The following MAP4K5 variants were observed in gnomAD, a reference collection of about 807,000 sequenced individuals.
The protein encoded by MAP4K5 is MAPK/ERK kinase kinase kinase 5.
A neutral mutation model predicts 135.6 loss-of-function variants in MAP4K5; 82 were observed. That is an observed-to-expected ratio of 0.60 (90% CI 0.51 to 0.73). MAP4K5 has a LOEUF of 0.73. Ranked by LOEUF, MAP4K5 falls within the 30% of genes least tolerant of loss-of-function variation. MAP4K5 has a pLI of 0.00. For missense variants in MAP4K5, 907 were observed against 1,010.9 expected, an observed-to-expected ratio of 0.90 and a Z score of 1.39; for synonymous variants, 347 against 335.0, an observed-to-expected ratio of 1.04 and a Z score of -0.39.
intron 1 of MAP4K5, among the ~76,000 whole-genome samples, chr14:50,555,805 T>C (rs1378926616): frequency 1.3e-5 from 2 of 152,226 alleles, no homozygotes; most frequent in Non-Finnish European, 2.9e-5. Context: ...AAAGTAAATG[T>C]CATTTTTTGG....
chr14:50,531,925 C>T lies in MAP4K5; in HGVS notation c.108+17G>A, dbSNP rs372887607. The stretch of plus-strand genomic sequence containing the variant: ...CCCAGTCGACCGCAGGAAAAAAGCA[C>T]GGCCAGCCTCACTTACCTTATAGAC... On this transcript the variant is annotated intron_variant, in intron 2 of 32. Coordinates refer to ENST00000682126, the MANE Select transcript of MAP4K5 (RefSeq NM_006575.6). The T allele has an allele frequency of 4.8e-5, 75 of 1,551,274 alleles. No homozygotes were observed. The African/African-American group carries it at 9.3e-4, about 19-fold the overall frequency.
intron 2 of MAP4K5, among the ~76,000 whole-genome samples, chr14:50,519,994 G>T (rs2038114165): frequency 6.6e-6 from 1 of 152,216 alleles, no homozygotes; most frequent in South Asian, 2.1e-4. Context: ...TACATGAAGA[G>T]TTAATAAGGG....
chr14:50,441,797 CAT>C (rs946929784), intron 21 of MAP4K5, among the ~76,000 whole-genome samples: 22 of 132,572 alleles, frequency 1.7e-4, no homozygotes, highest in South Asian at 1.5e-3. Context: ...CACACACACA[CAT>C]ATATATACCC....
chr14:50,520,796 T>TA (rs1256020061), intron 2 of MAP4K5, among the ~76,000 whole-genome samples: 3 of 150,818 alleles, frequency 2.0e-5, no homozygotes, highest in Non-Finnish European at 4.4e-5. Flanking sequence ...ATTTGTATTG[T>TA]AAGGTGGCTA....
At chr14:50,526,690 A>C (rs192201347) in intron 2 of MAP4K5, among the ~76,000 whole-genome samples, 32 of 152,332 alleles carry the variant, frequency 2.1e-4, no homozygotes, top group Admixed American at 1.2e-3. Flanking sequence ...GTCAGCACTC[A>C]ACAAATACTT....
chr14:50,462,708 T>C lies in MAP4K5; in HGVS notation c.893A>G (p.Asp298Gly), dbSNP rs761138846. Reference protein sequence around the residue: ...VELLDKVNNPDNHAHYTEADD... With the variant: ...VELLDKVNNPGNHAHYTEADD... The stretch of plus-strand genomic sequence containing the variant: ...TGCTTCAGTGTAATGTGCGTGGTTA[T>C]CTGGATTGTTCACTTTGTCTAACAG... Residue 298 changes from aspartate (D) to glycine (G), a missense_variant, in exon 13 of 33, where the codon GAT becomes GGT. Around this residue, in one of 3 missense-constraint regions of MAP4K5, gnomAD observed 690 missense variants for 777.4 expected, o/e 0.89. Transcript: ENST00000682126. 8 of 1,605,064 alleles carry C rather than the reference T, an allele frequency of 5.0e-6. No homozygotes were observed. Among genetic ancestry groups the C allele is most frequent in the Non-Finnish European group, 8.5e-7 (1 of 1,177,600 alleles).
intron 1 of MAP4K5, among the ~76,000 whole-genome samples, chr14:50,555,008 A>G (rs2038747858): frequency 6.6e-6 from 1 of 152,174 alleles, no homozygotes. Flanking sequence ...AGACCCCAAA[A>G]TTTTTGTTAC....
intron 13 of MAP4K5, among the ~76,000 whole-genome samples, chr14:50,461,989 T>G (rs909208057): frequency 6.6e-6 from 1 of 152,030 alleles, no homozygotes; most frequent in Non-Finnish European, 1.5e-5. Context: ...CAGTTATGAA[T>G]AGCCCTACAA....
chr14:50,515,565 A>C (rs544783510), intron 2 of MAP4K5, among the ~76,000 whole-genome samples: 1 of 152,344 alleles, frequency 6.6e-6, no homozygotes, highest in South Asian at 2.1e-4. Flanking sequence ...CCAATTATCC[A>C]CTAATCCCAC....
At chr14:50,458,940 T>G (rs938194123) in intron 13 of MAP4K5, among the ~76,000 whole-genome samples, 2 of 152,068 alleles carry the variant, frequency 1.3e-5, no homozygotes, top group African/African-American at 4.8e-5. Context: ...TCCCAGGTAG[T>G]TGGGACTACA....
At chr14:50,498,233 T>C (rs1370696744) in intron 3 of MAP4K5, among the ~76,000 whole-genome samples, 3 of 152,184 alleles carry the variant, frequency 2.0e-5, no homozygotes, top group African/African-American at 4.8e-5. Flanking sequence ...ATCAAAGAGA[T>C]GAAAAATGCA....
At chr14:50,537,536 C>T (rs1459184947), upstream of MAP4K5, among the ~76,000 whole-genome samples, 1 of 152,208 alleles carries the variant, frequency 6.6e-6, no homozygotes, top group Non-Finnish European at 1.5e-5. Context: ...CCACTGACAG[C>T]TTGCACCGTG....
intron 2 of MAP4K5, among the ~76,000 whole-genome samples, chr14:50,507,513 C>T (rs2037836057): frequency 6.6e-6 from 1 of 152,182 alleles, no homozygotes; most frequent in Non-Finnish European, 1.5e-5. Context: ...CTATACACTG[C>T]TTTAAATGTG....
chr14:50,447,453 A>C lies in MAP4K5; in HGVS notation c.1103T>G (p.Leu368Ter). The C allele has an allele frequency of 6.4e-7, 1 of 1,552,908 alleles. No homozygotes were observed. The highest frequency in any genetic ancestry group is 8.7e-7 in the Non-Finnish European group (1 of 1,147,206). ...MGLSSDPNFM[L>*]QWNPFVDGAN... ...ACCATCAACAAAAGGATTCCACTGT[A>C]ACATGAAATTTGGGTCTGATGACAA... The change falls in exon 16 of 33, where the codon TTA (leucine) becomes TGA (stop). Residue 368 changes from leucine to a stop codon, truncating the protein, a stop_gained. Coordinates refer to ENST00000682126, the MANE Select transcript of MAP4K5 (RefSeq NM_006575.6). LOFTEE classifies it high-confidence loss of function.
chr14:50,502,916 C>A (rs1353407382), intron 3 of MAP4K5, among the ~76,000 whole-genome samples: 2 of 151,630 alleles, frequency 1.3e-5, no homozygotes, highest in Non-Finnish European at 2.9e-5. Flanking sequence ...CAAACTTGCT[C>A]CTGATTGAGC....
chr14:50,546,731 CTTTG>C (rs1375063896), intron 1 of MAP4K5, among the ~76,000 whole-genome samples: 2 of 152,006 alleles, frequency 1.3e-5, no homozygotes, highest in Admixed American at 6.6e-5. Context: ...CCAGAATGAT[CTTTG>C]TTTGTGTGGT....
At chr14:50,478,353 A>G (rs1195082693) in intron 6 of MAP4K5, among the ~76,000 whole-genome samples, 1 of 152,100 alleles carries the variant, frequency 6.6e-6, no homozygotes, top group African/African-American at 2.4e-5. Context: ...TCAAAGAATC[A>G]GATTTTTATT....
chr14:50,526,329 T>C (rs2038264313), intron 2 of MAP4K5, among the ~76,000 whole-genome samples: 1 of 152,212 alleles, frequency 6.6e-6, no homozygotes, highest in Non-Finnish European at 1.5e-5. Context: ...GATGGAGTTT[T>C]GCTTTTGTTG....
rs568521561 is a variant in MAP4K5, at chr14:50,473,064, T to C, written c.542+2013A>G. Among the ~76,000 whole-genome samples the C allele has an allele frequency of 4.6e-5, 7 of 152,328 alleles. No individual in the cohort carries two copies. The South Asian group carries it at 1.2e-3, about 27-fold the overall frequency. Reference sequence around the variant, plus strand: ...TTTAAGTGATAGTAAATGAATTCGATACGTAGTGTTTTTTTGTCAGTTAAT... The same window carrying C: ...TTTAAGTGATAGTAAATGAATTCGACACGTAGTGTTTTTTTGTCAGTTAAT... On this transcript the variant is annotated intron_variant, in intron 9 of 32. Coordinates refer to ENST00000682126, the MANE Select transcript of MAP4K5 (RefSeq NM_006575.6).
Sources: allele counts gnomAD v4.1 joint callset (sites outside exome capture counted in the v4.1 genomes callset), GRCh38; gene constraint gnomAD v4.1.1; regional missense constraint gnomAD v4.1.1; transcripts MANE v1.5; gene names NCBI Gene and HGNC (gene_info 2026-07-23, HGNC 2026-07-21).